The following OLFM3 variants were observed in gnomAD, a reference collection of about 807,000 sequenced individuals.
OLFM3 encodes the protein noelin-3.
Under a neutral mutation model 48.6 loss-of-function variants are expected in OLFM3, and 20 were observed. The observed-to-expected ratio is 0.41, with a 90% CI of 0.29 to 0.60. OLFM3 has a LOEUF of 0.60. Among genes scored for constraint, OLFM3 ranks in the 20% least tolerant of loss-of-function variants. The pLI is 0.28. For synonymous variants in OLFM3, 222 were observed against 198.1 expected, an observed-to-expected ratio of 1.12 and a Z score of -1.01; for missense variants, 437 against 544.3, an observed-to-expected ratio of 0.80 and a Z score of 1.96.
intron 1 of OLFM3, among the ~76,000 whole-genome samples, chr1:101,891,597 C>T (rs1044912057): frequency 2.6e-5 from 4 of 151,750 alleles, no homozygotes; most frequent in Admixed American, 6.6e-5. Context: ...TTCAAAAGCC[C>T]ACTGAATGTT....
At chr1:101,937,692 T>C (rs1659666177) in intron 1 of OLFM3, among the ~76,000 whole-genome samples, 1 of 152,188 alleles carries the variant, frequency 6.6e-6, no homozygotes, top group African/African-American at 2.4e-5. Flanking sequence ...CCTCCCAGTC[T>C]CAGGTATGCT....
At chr1:101,934,004 C>G (rs774622450) in intron 1 of OLFM3, among the ~76,000 whole-genome samples, 1 of 151,726 alleles carries the variant, frequency 6.6e-6, no homozygotes, top group African/African-American at 2.4e-5. Context: ...CTGACTGTGA[C>G]AAAAATCACA....
At chr1:101,968,207 G>A (rs1030451137) in intron 1 of OLFM3, among the ~76,000 whole-genome samples, 1 of 152,136 alleles carries the variant, frequency 6.6e-6, no homozygotes, top group Non-Finnish European at 1.5e-5. Flanking sequence ...CTAATCCTAT[G>A]AGTTCATAGC....
intron 1 of OLFM3, among the ~76,000 whole-genome samples, chr1:101,915,298 C>A (rs577798235): frequency 2.2e-4 from 34 of 151,800 alleles, no homozygotes; most frequent in Non-Finnish European, 3.8e-4. Flanking sequence ...AAATAATATA[C>A]ACTTCTGCTT....
chr1:101,939,472 A>G (rs1659723041), intron 1 of OLFM3, among the ~76,000 whole-genome samples: 1 of 152,156 alleles, frequency 6.6e-6, no homozygotes, highest in African/African-American at 2.4e-5. Flanking sequence ...TAGTAGATAT[A>G]AAAATCTAAA....
At chr1:101,833,129 T>C (rs962859677) in intron 2 of OLFM3, among the ~76,000 whole-genome samples, 2 of 152,210 alleles carry the variant, frequency 1.3e-5, no homozygotes, top group African/African-American at 4.8e-5. Context: ...CAAGATAAGG[T>C]ATTCTGGATA....
At chr1:101,996,418 C>G (rs926250555) in intron 1 of OLFM3, among the ~76,000 whole-genome samples, 1 of 152,198 alleles carries the variant, frequency 6.6e-6, no homozygotes, top group African/African-American at 2.4e-5. Context: ...ACTGCAAACT[C>G]CTTTGCATTA....
chr1:101,953,559 C>G (rs1010373296), intron 1 of OLFM3, among the ~76,000 whole-genome samples: 1 of 152,104 alleles, frequency 6.6e-6, no homozygotes, highest in Admixed American at 6.6e-5. Context: ...ATGAATCAGG[C>G]AAGCCCCTTT....
intron 1 of OLFM3, among the ~76,000 whole-genome samples, chr1:101,985,074 T>C (rs916747300): frequency 1.3e-5 from 2 of 152,236 alleles, no homozygotes; most frequent in African/African-American, 4.8e-5. Context: ...TTCCAGCTTC[T>C]AGAGGCAGCC....
At chr1:101,862,109 T>G (rs1656683597) in intron 1 of OLFM3, among the ~76,000 whole-genome samples, 2 of 152,230 alleles carry the variant, frequency 1.3e-5, no homozygotes, top group Admixed American at 6.5e-5. Context: ...TGGATTCTGT[T>G]TCCTTGGAAA....
chr1:101,871,024 A>G (rs1657063011), intron 1 of OLFM3, among the ~76,000 whole-genome samples: 2 of 152,224 alleles, frequency 1.3e-5, no homozygotes, highest in South Asian at 4.1e-4. Context: ...GAGCAGAGTA[A>G]TATGTTGACT....
chr1:101,867,454 G>A (rs1277435954), intron 1 of OLFM3, among the ~76,000 whole-genome samples: 1 of 152,160 alleles, frequency 6.6e-6, no homozygotes, highest in Non-Finnish European at 1.5e-5. Flanking sequence ...GCCACACAAT[G>A]TTTATAAAGT....
intron 1 of OLFM3, among the ~76,000 whole-genome samples, chr1:101,881,376 A>G (rs1657519560): frequency 6.6e-6 from 1 of 151,832 alleles, no homozygotes; most frequent in Non-Finnish European, 1.5e-5. Context: ...GAGCTCTTCA[A>G]TCCTAAGATC....
intron 1 of OLFM3, among the ~76,000 whole-genome samples, chr1:101,991,016 A>AAAAATATATATAT (rs1553186119): frequency 1.9e-3 from 61 of 32,126 alleles, no homozygotes; most frequent in Non-Finnish European, 2.7e-3. Context: ...AAAAAAAAAA[A>AAAAATATATATAT]ATATATATAT....
chr1:101,873,573 A>T (rs377538072), intron 1 of OLFM3, among the ~76,000 whole-genome samples: 2 of 151,846 alleles, frequency 1.3e-5, no homozygotes, highest in East Asian at 3.9e-4. Flanking sequence ...GGGGGGTGCA[A>T]ATATTGCAAC....
chr1:101,808,784 A>G (rs1455797149), intron 4 of OLFM3, among the ~76,000 whole-genome samples: 1 of 151,786 alleles, frequency 6.6e-6, no homozygotes, highest in Non-Finnish European at 1.5e-5. Context: ...CTTTAAAAAT[A>G]TATGTATAAC....
At chr1:101,840,532 G>A (rs992127657) in intron 1 of OLFM3, among the ~76,000 whole-genome samples, 5 of 151,744 alleles carry the variant, frequency 3.3e-5, no homozygotes, top group Non-Finnish European at 5.9e-5. Context: ...GTGTAGTGGG[G>A]TGATCTCAGC....
At chr1:101,937,486 C>T (rs1292340554) in intron 1 of OLFM3, among the ~76,000 whole-genome samples, 3 of 152,126 alleles carry the variant, frequency 2.0e-5, no homozygotes, top group Non-Finnish European at 4.4e-5. Context: ...GGCGGCCGGT[C>T]TTTCTCGTGC....
chr1:101,834,489 C>G (rs573315662), intron 2 of OLFM3, among the ~76,000 whole-genome samples: 117 of 152,132 alleles, frequency 7.7e-4, no homozygotes, highest in African/African-American at 2.8e-3. Context: ...CCCTTTGGTG[C>G]CTTGGATATA....
Sources: allele counts gnomAD v4.1 joint callset (sites outside exome capture counted in the v4.1 genomes callset), GRCh38; gene constraint gnomAD v4.1.1; transcripts MANE v1.5; gene names NCBI Gene and HGNC (gene_info 2026-07-23, HGNC 2026-07-21).